SV2C: variants seen among roughly 807,000 people sequenced by gnomAD.
SV2C encodes the protein solute carrier family 22 member B3.
In SV2C, 49 loss-of-function variants were observed where a neutral mutation model predicts 79.7. The observed-to-expected ratio is 0.61, with a 90% CI of 0.49 to 0.78. The LOEUF is 0.78. SV2C is among the 30% of genes least tolerant of loss of function. SV2C has a pLI of 0.00. For missense variants in SV2C, 833 were observed against 912.9 expected, an observed-to-expected ratio of 0.91 and a Z score of 1.13; for synonymous variants, 334 against 333.2, an observed-to-expected ratio of 1.00 and a Z score of -0.03.
intron 4 of SV2C, among the ~76,000 whole-genome samples, chr5:76,230,780 C>A (rs1745390780): frequency 1.3e-5 from 2 of 149,754 alleles, no homozygotes; most frequent in African/African-American, 2.5e-5. Flanking sequence ...CAGAGCAAGA[C>A]TCTGTCTCAG....
the SV2C span, among the ~76,000 whole-genome samples, chr5:75,977,720 T>C: frequency 6.6e-6 from 1 of 152,154 alleles, no homozygotes; most frequent in Non-Finnish European, 1.5e-5. Flanking sequence ...TGCCAACACA[T>C]GCACAGCCTT....
At chr5:76,289,835 T>TG (rs1318048945) in intron 6 of SV2C, among the ~76,000 whole-genome samples, 44 of 152,268 alleles carry the variant, frequency 2.9e-4, no homozygotes, top group Non-Finnish European at 1.5e-5. Context: ...CTGCAGTTCC[T>TG]GAAGCCTCTC....
intron 4 of SV2C, among the ~76,000 whole-genome samples, chr5:76,214,036 G>T (rs1358843221): frequency 3.3e-5 from 5 of 152,044 alleles, no homozygotes; most frequent in African/African-American, 1.2e-4. Context: ...TGTTACAAAG[G>T]GAAGGATTTC....
At chr5:76,212,501 C>T (rs772454352) in intron 4 of SV2C, among the ~76,000 whole-genome samples, 33 of 151,230 alleles carry the variant, frequency 2.2e-4, no homozygotes, top group Non-Finnish European at 4.6e-4. Flanking sequence ...CTTAGCCGGC[C>T]TTCAGGCCAG....
intron 12 of SV2C, among the ~76,000 whole-genome samples, chr5:76,309,026 T>G (rs2972844): frequency 0.57 from 86,784 of 151,876 alleles, 26,377 homozygotes; most frequent in African/African-American, 0.78. Context: ...ATCAGAGAGG[T>G]TTTCTTGAAA....
chr5:75,952,247 TTTCCTTCCTTCCTTCCTTCC>T, the SV2C span, among the ~76,000 whole-genome samples: 11 of 144,248 alleles, frequency 7.6e-5, no homozygotes, highest in Admixed American at 1.4e-4. Context: ...TCTCCTGCAT[TTTCCTTCCTTCCTTCCTTCC>T]TTCCTTCCTT....
At chr5:75,917,041 G>T in the SV2C span, among the ~76,000 whole-genome samples, 1 of 152,256 alleles carries the variant, frequency 6.6e-6, no homozygotes, top group South Asian at 2.1e-4. Flanking sequence ...CCAACAACAG[G>T]ACTTGCTTGG....
the SV2C span, among the ~76,000 whole-genome samples, chr5:75,958,731 ACT>A: frequency 6.6e-6 from 1 of 151,328 alleles, no homozygotes; most frequent in Non-Finnish European, 1.5e-5. Context: ...TCTTTTTGAG[ACT>A]CTATCATTAT....
chr5:76,179,253 T>C (rs1743642507), intron 2 of SV2C, among the ~76,000 whole-genome samples: 1 of 152,110 alleles, frequency 6.6e-6, no homozygotes, highest in Non-Finnish European at 1.5e-5. Context: ...TGAATGAGGA[T>C]TCGTGGATAA....
At chr5:76,111,244 C>T (rs1355331660) in intron 1 of SV2C, among the ~76,000 whole-genome samples, 1 of 151,958 alleles carries the variant, frequency 6.6e-6, no homozygotes, top group Non-Finnish European at 1.5e-5. Context: ...GATCTGTCTG[C>T]TCTGGGAGTT....
rs1360199366 is a variant in SV2C at position 76,329,414 on chromosome 5, AAC to A, written c.*3869_*3870del. The A allele has an allele frequency of 6.6e-6, 1 of 152,196 alleles. No homozygotes were observed. The allele number at this position is 152,196 out of a possible 1,614,324, so 9.4% of individuals were successfully genotyped here. On this transcript the variant is annotated 3_prime_UTR_variant, in exon 13 of 13. Transcript: ENST00000502798. Reference sequence around the variant, plus strand: ...TTAAGTATTATACATAGGCTTCAGAAACAGTTTTTCAGTGATTTTACCTATAT... The same window carrying A: ...TTAAGTATTATACATAGGCTTCAGAAAGTTTTTCAGTGATTTTACCTATAT...
At chr5:75,952,181 A>G in the SV2C span, among the ~76,000 whole-genome samples, 12 of 151,994 alleles carry the variant, frequency 7.9e-5, no homozygotes, top group African/African-American at 2.7e-4. Context: ...GATCAAAAAA[A>G]TCATGACATT....
chr5:76,255,796 C>T (rs1282698714), intron 4 of SV2C, among the ~76,000 whole-genome samples: 1 of 152,144 alleles, frequency 6.6e-6, no homozygotes, highest in Non-Finnish European at 1.5e-5. Context: ...GAGGGACTGC[C>T]TCACCTGAGA....
intron 4 of SV2C, among the ~76,000 whole-genome samples, chr5:76,253,706 A>AT (rs1746180730): frequency 1.2e-5 from 1 of 85,096 alleles, no homozygotes; most frequent in Admixed American, 1.3e-4. Flanking sequence ...CTCCTCCCTA[A>AT]GGAAAAAAAA....
rs1430061526 is a variant in SV2C, at chr5:76,330,364, G to A, written c.*4817G>A. On this transcript the variant is annotated 3_prime_UTR_variant, in exon 13 of 13. Transcript: ENST00000502798. ...CATGGTTGGGCAGGGGAAGAGCTGA[G>A]CCGAGCCTTCACTGATCTCTTGTCA... 1 of 152,186 alleles carries A rather than the reference G, an allele frequency of 6.6e-6. No individual in the cohort carries two copies. The highest frequency in any genetic ancestry group is 6.5e-5 in the Admixed American group (1 of 15,282). The allele number at this position is 152,186 out of a possible 1,614,324, so 9.4% of individuals were successfully genotyped here. A position where few individuals can be genotyped will look rare whatever the true frequency, so the allele number is the denominator to read the frequency against.
intron 12 of SV2C, among the ~76,000 whole-genome samples, chr5:76,310,653 G>A (rs778213756): frequency 2.0e-5 from 3 of 152,216 alleles, no homozygotes; most frequent in Non-Finnish European, 4.4e-5. Flanking sequence ...AATGGAGGTG[G>A]TGAGAAAGTG....
At chr5:76,305,434 A>T (rs138284691) in intron 12 of SV2C, among the ~76,000 whole-genome samples, 2 of 152,242 alleles carry the variant, frequency 1.3e-5, no homozygotes, top group East Asian at 3.9e-4. Context: ...AGAAGCTGTT[A>T]TGTGTCCTCA....
At chr5:75,978,593 AAT>A in the SV2C span, among the ~76,000 whole-genome samples, 1 of 152,152 alleles carries the variant, frequency 6.6e-6, no homozygotes, top group East Asian at 1.9e-4. Flanking sequence ...TATCCACACA[AAT>A]ATATATGTTT....
chr5:75,992,361 A>G, the SV2C span, among the ~76,000 whole-genome samples: 2 of 152,034 alleles, frequency 1.3e-5, no homozygotes, highest in African/African-American at 4.8e-5. Flanking sequence ...CTACATCTAT[A>G]TATGCAGTCC....
Sources: allele counts gnomAD v4.1 joint callset (sites outside exome capture counted in the v4.1 genomes callset), GRCh38; gene constraint gnomAD v4.1.1; transcripts MANE v1.5; gene names NCBI Gene and HGNC (gene_info 2026-07-23, HGNC 2026-07-21).